Variants in SYT6 observed in about 807,000 individuals in gnomAD.
SYT6 encodes synaptotagmin 6.
In SYT6, 24 loss-of-function variants were observed where a neutral mutation model predicts 38.4. That is an observed-to-expected ratio of 0.62 (90% CI 0.45 to 0.88). The LOEUF is 0.88. SYT6 is among the 40% of genes least tolerant of loss of function. SYT6 has a pLI of 0.00. For missense variants in SYT6, 611 were observed against 621.0 expected, an observed-to-expected ratio of 0.98 and a Z score of 0.17; for synonymous variants, 265 against 241.9, an observed-to-expected ratio of 1.10 and a Z score of -0.89.
chr1:114,150,336 C>T (rs1467978202), intron 1 of SYT6, among the ~76,000 whole-genome samples: 7 of 152,170 alleles, frequency 4.6e-5, no homozygotes, highest in Admixed American at 3.9e-4. Context: ...AGATACTGGA[C>T]CCTGCTTCTA....
intron 3 of SYT6, among the ~76,000 whole-genome samples, chr1:114,137,044 T>C (rs927139880): frequency 3.3e-5 from 5 of 152,136 alleles, no homozygotes; most frequent in African/African-American, 1.2e-4. Context: ...GGTAACAAGG[T>C]GGAGCAGAGT....
intron 2 of SYT6, among the ~76,000 whole-genome samples, chr1:114,138,873 C>T (rs1243555104): frequency 1.3e-5 from 2 of 152,204 alleles, no homozygotes; most frequent in Non-Finnish European, 2.9e-5. Flanking sequence ...TCAGTGTGAC[C>T]TCCCAGCATG....
chr1:114,123,157 C>G (rs1158906050), intron 3 of SYT6, among the ~76,000 whole-genome samples: 2 of 152,198 alleles, frequency 1.3e-5, no homozygotes, highest in Non-Finnish European at 2.9e-5. Context: ...AGTGACTCAG[C>G]TGGAGATGGC....
At chr1:114,107,579 G>A (rs1676403769) in intron 3 of SYT6, among the ~76,000 whole-genome samples, 1 of 152,202 alleles carries the variant, frequency 6.6e-6, no homozygotes, top group Non-Finnish European at 1.5e-5. Context: ...GCAGCTCTTG[G>A]TTCACTGTTC....
intron 1 of SYT6, among the ~76,000 whole-genome samples, chr1:114,147,378 G>A (rs1679207767): frequency 6.6e-6 from 1 of 152,194 alleles, no homozygotes; most frequent in Non-Finnish European, 1.5e-5. Flanking sequence ...CTTGAAATTT[G>A]GGGAAAAGAA....
In SYT6 at chr1:114,105,971, T is replaced by C. The variant is rs995791519; in HGVS notation, c.1072-2250A>G. Among the ~76,000 whole-genome samples the C allele has an allele frequency of 3.9e-5, 6 of 152,106 alleles. No homozygotes were observed. In the East Asian group the frequency reaches 1.2e-3, roughly 29 times the overall value. ...GTCCCCACCCTCGACATGCAGATGGTCTAGCGGGGCGTAACCAGTTAAAAG... is the reference window on the plus strand; with the variant it reads ...GTCCCCACCCTCGACATGCAGATGGCCTAGCGGGGCGTAACCAGTTAAAAG... On this transcript the variant is annotated intron_variant, in intron 3 of 7. Transcript: ENST00000610222.
At chr1:114,114,763 A>G (rs1676892300) in intron 3 of SYT6, among the ~76,000 whole-genome samples, 1 of 152,156 alleles carries the variant, frequency 6.6e-6, no homozygotes. Flanking sequence ...CCCTATTAGA[A>G]TCTCTGTGAC....
intron 1 of SYT6, 71 bp from the exon 2 acceptor site, chr1:114,140,034 G>C: frequency 3.3e-6 from 3 of 899,214 alleles, no homozygotes; most frequent in Non-Finnish European, 4.9e-6. Context: ...GAGGGTGTTG[G>C]AGGAGGGGGC....
rs1280448080 is a variant in SYT6, at chr1:114,089,788, A to G, written c.*2346T>C. The G allele has an allele frequency of 6.6e-6, 1 of 152,506 alleles. No individual in the cohort carries two copies. Among genetic ancestry groups the G allele is most frequent in the Non-Finnish European group, 1.5e-5 (1 of 68,186 alleles). The allele number at this position is 152,506 out of a possible 1,614,324, so 9.4% of individuals were successfully genotyped here. ...CCCAAGCCTGTAGGAATTGACCCAG[A>G]CTGCTAGAGCAGCAGCGGTTGCAGT... On this transcript the variant is annotated 3_prime_UTR_variant, in exon 8 of 8. Coordinates refer to ENST00000610222, the MANE Select transcript of SYT6 (RefSeq NM_001253772.2).
rs755146640 is a variant in SYT6, at chr1:114,139,971, C to T, written c.164-8G>A. 8.6e-5 allele frequency: 126 copies of T among 1,471,182 alleles called. No homozygotes were observed. Among genetic ancestry groups the T allele is most frequent in the South Asian group, 6.5e-4 (47 of 72,592 alleles). 91.1% of individuals were successfully genotyped at this position (1,471,182 alleles called of 1,614,324 possible). A position where few individuals can be genotyped will look rare whatever the true frequency, so the allele number is the denominator to read the frequency against. ...GGAGGCTGACAGAGGTGCCTGCCCT[C>T]GGCATGAGCCAGGCAGGGAGGGACA... On this transcript the variant is annotated splice_region_variant and splice_polypyrimidine_tract_variant and intron_variant, in intron 1 of 7. Transcript: ENST00000610222.
At position 114,091,912 on chromosome 1, in the gene SYT6, G is replaced by A. The variant is rs571014422; in HGVS notation, c.*222C>T. On this transcript the variant is annotated 3_prime_UTR_variant, in exon 8 of 8. Coordinates refer to ENST00000610222, the MANE Select transcript of SYT6 (RefSeq NM_001253772.2). ...GACTCTGGAGTGACGGACGGCTGCC[G>A]CTGCTGCCGCCACTGCGACTGCACA... 1.1e-5 allele frequency: 14 copies of A among 1,250,960 alleles called. No individual in the cohort carries two copies. The highest frequency in any genetic ancestry group is 4.5e-5 in the African/African-American group (3 of 67,398). The allele number at this position is 1,250,960 out of a possible 1,614,324, so 77.5% of individuals were successfully genotyped here.
At chr1:114,141,763 G>C (rs970184821) in intron 1 of SYT6, among the ~76,000 whole-genome samples, 2 of 152,136 alleles carry the variant, frequency 1.3e-5, no homozygotes, top group African/African-American at 4.8e-5. Flanking sequence ...TCTTTTTAGG[G>C]GCTAACACAG....
chr1:114,129,563 CTTT>C (rs11349364), intron 3 of SYT6, among the ~76,000 whole-genome samples: 2 of 124,468 alleles, frequency 1.6e-5, no homozygotes, highest in Non-Finnish European at 3.4e-5. Context: ...TTTTTTCTTT[CTTT>C]TCTTTCTTTC....
chr1:114,137,434 A>G, intron 3 of SYT6, 61 bp downstream of exon 3: 1 of 1,548,254 alleles, frequency 6.5e-7, no homozygotes, highest in South Asian at 1.2e-5. Flanking sequence ...GTTTGGGGAC[A>G]TGTCCCACCC....
intron 3 of SYT6, among the ~76,000 whole-genome samples, chr1:114,131,865 T>C (rs1678178297): frequency 6.6e-6 from 1 of 152,176 alleles, no homozygotes; most frequent in South Asian, 2.1e-4. Flanking sequence ...GATTTTGAGA[T>C]GAGTGAGAGA....
chr1:114,126,615 C>T (rs11581861), intron 3 of SYT6, among the ~76,000 whole-genome samples: 46,043 of 152,144 alleles, frequency 0.3, 7,520 homozygotes, highest in African/African-American at 0.43. Context: ...GGGGAAGCAA[C>T]GGGAAGTACA....
chr1:114,106,564 C>A (rs12117668), intron 3 of SYT6, among the ~76,000 whole-genome samples: 1 of 152,094 alleles, frequency 6.6e-6, no homozygotes, highest in African/African-American at 2.4e-5. Context: ...AGCAACTGGG[C>A]CCTGTCCTAC....
intron 4 of SYT6, among the ~76,000 whole-genome samples, chr1:114,102,324 T>C (rs996730660): frequency 1.3e-5 from 2 of 152,178 alleles, no homozygotes; most frequent in Non-Finnish European, 2.9e-5. Context: ...CTTCCCCACA[T>C]CCTGATGTGT....
chr1:114,139,578 G>A, intron 2 of SYT6, 37 bp downstream of exon 2: 1 of 1,612,568 alleles, frequency 6.2e-7, no homozygotes, highest in Non-Finnish European at 8.5e-7. Context: ...GAGTGTGGAG[G>A]TGTGGGGGTC....
Sources: allele counts gnomAD v4.1 joint callset (sites outside exome capture counted in the v4.1 genomes callset), GRCh38; gene constraint gnomAD v4.1.1; transcripts MANE v1.5; gene names NCBI Gene and HGNC (gene_info 2026-07-23, HGNC 2026-07-21).